Variants in PALS2 observed in about 807,000 individuals in gnomAD.
PALS2 encodes protein associated with LIN7 2, MAGUK p55 family member, also known as protein PALS2.
In PALS2, 27 loss-of-function variants were observed where a neutral mutation model predicts 61.6. The observed-to-expected ratio is 0.44, with a 90% CI of 0.32 to 0.60. The LOEUF is 0.60. Among genes scored for constraint, PALS2 ranks in the 20% least tolerant of loss-of-function variants. The pLI, the probability that PALS2 is intolerant of heterozygous loss-of-function variation, is 0.05. For synonymous variants in PALS2, 236 were observed against 218.6 expected (o/e 1.08, Z -0.70); for missense variants, 554 against 639.4 (o/e 0.87, Z 1.44).
intron 5 of PALS2, among the ~76,000 whole-genome samples, chr7:24,662,980 T>G (rs1340840873): frequency 6.6e-6 from 1 of 152,192 alleles, no homozygotes; most frequent in Non-Finnish European, 1.5e-5. Context: ...TATACACAAA[T>G]GAATTTAAAA....
rs940494655 is a variant in PALS2, at chr7:24,648,019, C to T, written c.271-1593C>T. On this transcript the variant is annotated intron_variant, in intron 3 of 11. Coordinates refer to ENST00000222644, the MANE Select transcript of PALS2 (RefSeq NM_001303037.2). Reference sequence around the variant, plus strand: ...GGATATAGGGTGGAAAACTAAGCAGCGCAGGTTAGCAACTTCCAGCATTTA... The same window carrying T: ...GGATATAGGGTGGAAAACTAAGCAGTGCAGGTTAGCAACTTCCAGCATTTA... Among the ~76,000 whole-genome samples the T allele has an allele frequency of 5.3e-5, 8 of 152,160 alleles. No individual in the cohort carries two copies. The East Asian group carries it at 9.6e-4, about 18-fold the overall frequency.
intron 1 of PALS2, among the ~76,000 whole-genome samples, chr7:24,619,662 G>C (rs930596964): frequency 6.7e-6 from 1 of 148,662 alleles, no homozygotes; most frequent in East Asian, 2.0e-4. Context: ...AGCTTGCAGT[G>C]AGCCGAGATC....
At chr7:24,587,697 T>C (rs919286246) in intron 1 of PALS2, among the ~76,000 whole-genome samples, 1 of 152,088 alleles carries the variant, frequency 6.6e-6, no homozygotes, top group Non-Finnish European at 1.5e-5. Flanking sequence ...GTGTGGAAAG[T>C]ACGTGGCTTG....
At chr7:24,627,958 A>G (rs1413016998) in intron 2 of PALS2, among the ~76,000 whole-genome samples, 1 of 152,208 alleles carries the variant, frequency 6.6e-6, no homozygotes. Flanking sequence ...AGCTGGTACC[A>G]TTCCTTCTGA....
chr7:24,659,392 AG>A (rs1465082683), intron 5 of PALS2, among the ~76,000 whole-genome samples: 1 of 152,184 alleles, frequency 6.6e-6, no homozygotes, highest in Non-Finnish European at 1.5e-5. Context: ...GTCAAATGAT[AG>A]TTCCGTTTTA....
In PALS2 at chr7:24,690,858, C is replaced by T. The variant is rs1031959310; in HGVS notation, c.*3244C>T. On this transcript the variant is annotated 3_prime_UTR_variant, in exon 12 of 12. Coordinates refer to ENST00000222644, the MANE Select transcript of PALS2 (RefSeq NM_001303037.2). Reference sequence around the variant, plus strand: ...TGCCTACAGCATTAGTAGCCTAAATCCTAGATTCTAGAATCCAATAAATTT... The same window carrying T: ...TGCCTACAGCATTAGTAGCCTAAATTCTAGATTCTAGAATCCAATAAATTT... The T allele has an allele frequency of 1.3e-5, 2 of 152,072 alleles. No homozygotes were observed. The highest frequency in any genetic ancestry group is 4.8e-5 in the African/African-American group (2 of 41,424). The allele number at this position is 152,072 out of a possible 1,614,324, so 9.4% of individuals were successfully genotyped here.
chr7:24,585,479 A>G (rs1207570874), intron 1 of PALS2, among the ~76,000 whole-genome samples: 2 of 152,050 alleles, frequency 1.3e-5, no homozygotes, highest in Admixed American at 6.5e-5. Flanking sequence ...CATAACTTGG[A>G]TGTTTGAGAT....
intron 2 of PALS2, among the ~76,000 whole-genome samples, chr7:24,636,516 A>G (rs886681406): frequency 1.3e-5 from 2 of 152,200 alleles, no homozygotes; most frequent in African/African-American, 4.8e-5. Flanking sequence ...CAAGATAGCT[A>G]GAAGAGAAGA....
intron 1 of PALS2, among the ~76,000 whole-genome samples, chr7:24,578,514 G>A (rs1351477160): frequency 4.6e-5 from 7 of 152,136 alleles, no homozygotes; most frequent in African/African-American, 1.7e-4. Flanking sequence ...GCAAGGACTG[G>A]GACTCCAGTG....
intron 5 of PALS2, among the ~76,000 whole-genome samples, chr7:24,653,183 A>G (rs1361828219): frequency 2.0e-5 from 3 of 152,204 alleles, no homozygotes; most frequent in Admixed American, 6.5e-5. Context: ...TTGATTGTGT[A>G]TATAACAAAG....
intron 1 of PALS2, chr7:24,589,450 T>G (rs1783200126): frequency 6.6e-6 from 1 of 152,206 alleles, no homozygotes; most frequent in Non-Finnish European, 1.5e-5. Context: ...GAAAGAAGTT[T>G]CAGGTACCTC....
rs192747031 is a variant in PALS2 at position 24,636,043 on chromosome 7, C to T, written c.118-5673C>T. Among the ~76,000 whole-genome samples the T allele has an allele frequency of 4.2e-3, 638 of 151,986 alleles. 5 individuals are homozygous for T. Among genetic ancestry groups the T allele is most frequent in the African/African-American group, 0.014 (596 of 41,454 alleles). On this transcript the variant is annotated intron_variant, in intron 2 of 11. Coordinates refer to ENST00000222644, the MANE Select transcript of PALS2 (RefSeq NM_001303037.2). ...CCTGACCAACATGGAGAAACCCTGT[C>T]TCTACTAAAAATACAAAAATTAGCC...
intron 2 of PALS2, among the ~76,000 whole-genome samples, chr7:24,624,665 G>A (rs192226962): frequency 1.5e-5 from 2 of 133,586 alleles, no homozygotes; most frequent in Non-Finnish European, 3.0e-5. Flanking sequence ...GGAGTGCACT[G>A]GCACGATCTC....
intron 9 of PALS2, among the ~76,000 whole-genome samples, chr7:24,677,309 A>G (rs557585512): frequency 0.067 from 10,125 of 151,546 alleles, 402 homozygotes; most frequent in African/African-American, 0.11. Flanking sequence ...CAATCACGTC[A>G]TCTGCAAACA....
rs749421698 is a variant in PALS2 at position 24,638,322 on chromosome 7, C to CTT, written c.118-3369_118-3368dup. 4.0e-3 allele frequency among the ~76,000 whole-genome samples: 48 copies of CTT among 11,914 alleles called. 22 individuals carry two copies. Among genetic ancestry groups the CTT allele is most frequent in the South Asian group, 0.022 (4 of 186 alleles). The allele number at this position is 11,914 out of a possible 152,430, so 7.8% of individuals were successfully genotyped here. Reference sequence around the variant, plus strand: ...TTTCTCCCTTCAATTTCTGTATTTTCTTTTTTTTTTTTTTTTTTTTTTTTT... The same window carrying CTT: ...TTTCTCCCTTCAATTTCTGTATTTTCTTTTTTTTTTTTTTTTTTTTTTTTTTT... On this transcript the variant is annotated intron_variant, in intron 2 of 11. Coordinates refer to ENST00000222644, the MANE Select transcript of PALS2 (RefSeq NM_001303037.2).
At chr7:24,577,960 A>G (rs1782700092) in intron 1 of PALS2, among the ~76,000 whole-genome samples, 2 of 151,862 alleles carry the variant, frequency 1.3e-5, no homozygotes, top group African/African-American at 4.8e-5. Flanking sequence ...TGTTTTTGAG[A>G]TAGAATCTCA....
At chr7:24,653,928 G>A (rs999745159) in intron 5 of PALS2, among the ~76,000 whole-genome samples, 1 of 152,092 alleles carries the variant, frequency 6.6e-6, no homozygotes, top group Admixed American at 6.6e-5. Flanking sequence ...GAAGCTGGAT[G>A]GAAAAGTACC....
At chr7:24,680,815 T>C (rs2529045) in intron 11 of PALS2, among the ~76,000 whole-genome samples, 60,998 of 152,026 alleles carry the variant, frequency 0.4, 16,622 homozygotes, top group African/African-American at 0.78. Flanking sequence ...AGACTGGTCT[T>C]GAACTCCTGA....
intron 1 of PALS2, among the ~76,000 whole-genome samples, chr7:24,611,108 C>G (rs1038823195): frequency 6.6e-6 from 1 of 152,048 alleles, no homozygotes; most frequent in African/African-American, 2.4e-5. Context: ...ACTTACAGTT[C>G]TAAACCTGGG....
Sources: gnomAD v4.1 joint callset for allele counts (sites outside exome capture counted in the v4.1 genomes callset) on GRCh38, gnomAD v4.1.1 for gene constraint, MANE v1.5 for transcripts, NCBI Gene and HGNC (gene_info 2026-07-23, HGNC 2026-07-21) for gene names.